AAMDC: variants seen among roughly 807,000 people sequenced by gnomAD.
The protein encoded by AAMDC is mth938 domain-containing protein.
Under a neutral mutation model 15.5 loss-of-function variants are expected in AAMDC, and 16 were observed. The observed-to-expected ratio is 1.03, with a 90% CI of 0.70 to 1.57. The LOEUF (loss-of-function observed/expected upper bound fraction) is 1.57. AAMDC is among the 40% of genes most tolerant of loss of function. The pLI, the probability that AAMDC is intolerant of heterozygous loss-of-function variation, is 0.00. For missense variants in AAMDC, 141 were observed against 144.9 expected, an observed-to-expected ratio of 0.97 and a Z score of 0.14; for synonymous variants, 51 against 51.6, an observed-to-expected ratio of 0.99 and a Z score of 0.05.
chr11:77,845,182 T>C (rs1477223233), intron 2 of AAMDC, among the ~76,000 whole-genome samples: 1 of 152,194 alleles, frequency 6.6e-6, no homozygotes, highest in Non-Finnish European at 1.5e-5. Flanking sequence ...TTTCTTCAAG[T>C]ATTCTTTCTA....
intron 1 of AAMDC, among the ~76,000 whole-genome samples, chr11:77,823,619 CTCAAAAAA>C (rs1949037788): frequency 3.5e-5 from 2 of 56,646 alleles, no homozygotes; most frequent in African/African-American, 7.8e-5. Context: ...TACACCCTGT[CTCAAAAAA>C]AAAAAAAAAA....
At chr11:77,828,527 C>T (rs1047455930) in intron 1 of AAMDC, among the ~76,000 whole-genome samples, 9 of 151,080 alleles carry the variant, frequency 6.0e-5, no homozygotes, top group Admixed American at 4.6e-4. Flanking sequence ...CAAAATTAGC[C>T]GGGTGGGGTA....
At chr11:77,843,474 G>A (rs1190775854) in intron 2 of AAMDC, among the ~76,000 whole-genome samples, 1 of 152,174 alleles carries the variant, frequency 6.6e-6, no homozygotes, top group East Asian at 1.9e-4. Flanking sequence ...GCTGAGGGGA[G>A]AAAGAGTCTT....
At chr11:77,872,390 T>A, downstream of AAMDC, 1 of 1,508,968 alleles carries the variant, frequency 6.6e-7, no homozygotes, top group Admixed American at 2.1e-5. Context: ...CAAACCAGCC[T>A]CCCCTAAACA....
At position 77,858,859 on chromosome 11, in the gene AAMDC, T is replaced by C. The variant is rs180740940; in HGVS notation, c.133-10863T>C. On this transcript the variant is annotated intron_variant, in intron 2 of 3. Transcript: ENST00000393427. ...ACTCCATTTGAAGAACGATTTGTAGTTTTACAGCTTCGATTCTGGAAGAGA... is the reference window on the plus strand; with the variant it reads ...ACTCCATTTGAAGAACGATTTGTAGCTTTACAGCTTCGATTCTGGAAGAGA... Among the ~76,000 whole-genome samples, 289 of 152,276 alleles carry C rather than the reference T, an allele frequency of 1.9e-3. 4 individuals carry two copies. Among genetic ancestry groups the C allele is most frequent in the African/African-American group, 6.8e-3 (281 of 41,546 alleles).
downstream of AAMDC, among the ~76,000 whole-genome samples, chr11:77,875,377 T>G (rs1442597169): frequency 6.6e-6 from 1 of 152,232 alleles, no homozygotes; most frequent in Non-Finnish European, 1.5e-5. Context: ...GGAGACATGT[T>G]TTGTTTGTCT....
At chr11:77,871,600 A>G (rs1346601197) in intron 3 of AAMDC, among the ~76,000 whole-genome samples, 1 of 152,214 alleles carries the variant, frequency 6.6e-6, no homozygotes, top group Non-Finnish European at 1.5e-5. Flanking sequence ...TCATCCTCAC[A>G]CCAACCCTGT....
chr11:77,901,265 T>G (rs1952769103), downstream of AAMDC: 2 of 817,580 alleles, frequency 2.4e-6, no homozygotes, highest in East Asian at 4.9e-5. Flanking sequence ...CAACAGAATT[T>G]GTAATATCTG....
rs555227686 is a variant in AAMDC at position 77,855,478 on chromosome 11, C to T, written c.132+12850C>T. On this transcript the variant is annotated intron_variant, in intron 2 of 3. Coordinates refer to ENST00000393427, the MANE Select transcript of AAMDC (RefSeq NM_024684.4). The stretch of plus-strand genomic sequence containing the variant: ...GGGACTACAGGTGCCTGCCACCACA[C>T]CCAGGTAACTTTTTCTTTTTTTTTG... The T allele has an allele frequency of 2.0e-5, 4 of 197,372 alleles. No homozygotes were observed. The Admixed American group carries it at 2.4e-4, about 12-fold the overall frequency. 12.2% of individuals were successfully genotyped at this position (197,372 alleles called of 1,614,324 possible). A position where few individuals can be genotyped will look rare whatever the true frequency, so the allele number is the denominator to read the frequency against.
intron 5 of AAMDC, among the ~76,000 whole-genome samples, chr11:77,892,181 A>T (rs1952302746): frequency 6.6e-6 from 1 of 152,226 alleles, no homozygotes; most frequent in Non-Finnish European, 1.5e-5. Context: ...AGACCTACGA[A>T]GCGCCAAGCA....
At chr11:77,893,450 A>G (rs116764878) in intron 5 of AAMDC, among the ~76,000 whole-genome samples, 19,350 of 149,216 alleles carry the variant, frequency 0.13, 1,386 homozygotes, top group Admixed American at 0.2. Flanking sequence ...TAAAAAAAAT[A>G]TATTAAAAAT....
downstream of AAMDC, among the ~76,000 whole-genome samples, chr11:77,905,009 A>G (rs1214933761): frequency 6.6e-6 from 1 of 152,186 alleles, no homozygotes; most frequent in East Asian, 1.9e-4. Flanking sequence ...AACCTGGTAA[A>G]AGATTATTTT....
intron 5 of AAMDC, among the ~76,000 whole-genome samples, chr11:77,892,814 A>G (rs1340229150): frequency 1.3e-5 from 2 of 152,052 alleles, no homozygotes; most frequent in Non-Finnish European, 2.9e-5. Flanking sequence ...CGAACTCCTG[A>G]CCTCGTGATC....
chr11:77,848,090 A>G (rs1249662799), intron 2 of AAMDC, among the ~76,000 whole-genome samples: 4 of 152,240 alleles, frequency 2.6e-5, no homozygotes, highest in African/African-American at 9.6e-5. Context: ...TCATCCATAG[A>G]CATTCTCACA....
At chr11:77,880,166 T>C (rs1023950517) in intron 5 of AAMDC, among the ~76,000 whole-genome samples, 11 of 152,122 alleles carry the variant, frequency 7.2e-5, no homozygotes, top group African/African-American at 2.7e-4. Flanking sequence ...AAAGTGTAAG[T>C]TGAAGATGAT....
At chr11:77,827,945 C>T (rs1004423722) in intron 1 of AAMDC, among the ~76,000 whole-genome samples, 7 of 152,222 alleles carry the variant, frequency 4.6e-5, no homozygotes, top group Admixed American at 4.6e-4. Context: ...CTCAAAAATC[C>T]TGTGTTATTC....
intron 5 of AAMDC, among the ~76,000 whole-genome samples, chr11:77,892,832 C>T (rs1350429061): frequency 1.3e-5 from 2 of 152,188 alleles, no homozygotes; most frequent in African/African-American, 4.8e-5. Flanking sequence ...ATCCACCCGC[C>T]TCAGCCTCCC....
rs1312843921 is a variant in AAMDC at position 77,872,183 on chromosome 11, A to T, written c.237A>T (p.Ser79=). The T allele has an allele frequency of 6.2e-7, 1 of 1,612,734 alleles. No homozygotes were observed. The highest frequency in any genetic ancestry group is 1.1e-5 in the South Asian group (1 of 90,826). The part of the protein sequence containing the change: ...RGMSEALKVP[S]STVEYLKKHG... ...CTTTTCCACCTTCCCAGGTGCCTTC[A>T]TCAACTGTGGAGTACCTCAAGAAAC... The change falls in exon 4 of 4, where the codon TCA becomes TCT. Residue 79 remains serine (S), a synonymous_variant. Transcript: ENST00000393427.
intron 3 of AAMDC, among the ~76,000 whole-genome samples, chr11:77,870,260 A>T (rs2136309948): frequency 6.8e-6 from 1 of 146,958 alleles, no homozygotes; most frequent in East Asian, 2.0e-4. Context: ...AGCTCAAATG[A>T]TCTCCCGCCT....
Sources: gnomAD v4.1 joint callset for allele counts (sites outside exome capture counted in the v4.1 genomes callset) on GRCh38, gnomAD v4.1.1 for gene constraint, MANE v1.5 for transcripts, NCBI Gene and HGNC (gene_info 2026-07-23, HGNC 2026-07-21) for gene names.